Variants in SUMF1 observed in about 807,000 individuals in gnomAD.
The protein encoded by SUMF1 is sulfatase modifying factor 1, also known as formylglycine-generating enzyme.
A neutral mutation model predicts 47.6 loss-of-function variants in SUMF1; 48 were observed. The observed-to-expected ratio is 1.01, with a 90% CI of 0.80 to 1.28. The LOEUF (loss-of-function observed/expected upper bound fraction) is 1.28, where lower values mean the gene tolerates loss of function less well. Ranked by LOEUF, SUMF1 falls within the 50% of genes most tolerant of loss-of-function variation. The probability of loss-of-function intolerance (pLI) is 0.00; values close to 1 mark genes in which losing one functional copy is unlikely to be tolerated. For missense variants in SUMF1, 571 were observed against 485.4 expected, an observed-to-expected ratio of 1.18 and a Z score of -1.66; for synonymous variants, 230 against 192.1, an observed-to-expected ratio of 1.20 and a Z score of -1.63.
intron 8 of SUMF1, among the ~76,000 whole-genome samples, chr3:4,109,579 G>A (rs1693243827): frequency 6.6e-6 from 1 of 151,928 alleles, no homozygotes; most frequent in Non-Finnish European, 1.5e-5. Context: ...ACGTAGATTT[G>A]GTCTTTTCAC....
intron 1 of SUMF1, among the ~76,000 whole-genome samples, chr3:4,461,578 T>A (rs1044141772): frequency 6.6e-6 from 1 of 152,020 alleles, no homozygotes; most frequent in African/African-American, 2.4e-5. Flanking sequence ...TCAAGGTGAG[T>A]ACCAACAATG....
Position 4,467,226 on chromosome 3 carries a change from C to T in SUMF1, c.20G>A (p.Gly7Glu), listed in dbSNP as rs903839326. The T allele has an allele frequency of 5.0e-6, 8 of 1,610,968 alleles. No individual in the cohort carries two copies. The highest frequency in any genetic ancestry group is 1.7e-4 in the Middle Eastern group (1 of 5,768). Residue 7 changes from glycine to glutamate, a missense_variant, in exon 1 of 9, where the codon GGG becomes GAG. By Grantham distance (98) the Gly-to-Glu change is moderately conservative (BLOSUM62 -2). Transcript: ENST00000272902. MAAPALGLVCGRCPELG... is the reference protein window; with the variant it reads MAAPALELVCGRCPELG... ...CTCAGGGCAACGTCCACACACCAGC[C>T]CTAGTGCGGGCGCAGCCATGTTGTC...
At chr3:4,252,231 C>G (rs2125011364) in intron 8 of SUMF1, among the ~76,000 whole-genome samples, 1 of 152,236 alleles carries the variant, frequency 6.6e-6, no homozygotes, top group South Asian at 2.1e-4. Context: ...TGCCCCATGT[C>G]CTCTTCTCCA....
intron 8 of SUMF1, among the ~76,000 whole-genome samples, chr3:4,372,267 C>T (rs1700192358): frequency 1.3e-5 from 2 of 152,098 alleles, no homozygotes; most frequent in Admixed American, 1.3e-4. Context: ...TGTCACTGCA[C>T]TCCAGCCTGG....
At chr3:4,263,197 A>G (rs1431783099) in intron 8 of SUMF1, among the ~76,000 whole-genome samples, 2 of 152,150 alleles carry the variant, frequency 1.3e-5, no homozygotes, top group Non-Finnish European at 2.9e-5. Context: ...ATCCTTTTTA[A>G]TGCCTCTCCA....
intron 8 of SUMF1, among the ~76,000 whole-genome samples, chr3:4,225,576 C>A (rs1696155867): frequency 6.6e-6 from 1 of 152,110 alleles, no homozygotes; most frequent in African/African-American, 2.4e-5. Flanking sequence ...AACACACATG[C>A]AGACAAACAG....
At chr3:4,226,759 T>A (rs78400691) in intron 8 of SUMF1, among the ~76,000 whole-genome samples, 19 of 152,060 alleles carry the variant, frequency 1.2e-4, no homozygotes, top group Admixed American at 1.1e-3. Context: ...TCAAGTGCTC[T>A]TAACAATTAT....
intron 7 of SUMF1, among the ~76,000 whole-genome samples, chr3:4,394,844 A>T (rs539458998): frequency 3.1e-4 from 47 of 152,302 alleles, no homozygotes; most frequent in Non-Finnish European, 5.0e-4. Context: ...CTTCTCCTGT[A>T]TGAAATCCAC....
At chr3:4,064,755 G>T (rs987465688) in intron 9 of SUMF1, among the ~76,000 whole-genome samples, 1 of 152,138 alleles carries the variant, frequency 6.6e-6, no homozygotes, top group Non-Finnish European at 1.5e-5. Flanking sequence ...TCTACAGAAC[G>T]CATGCTCTTA....
chr3:4,062,721 G>A (rs1695296864), intron 9 of SUMF1, among the ~76,000 whole-genome samples: 1 of 152,110 alleles, frequency 6.6e-6, no homozygotes, highest in Admixed American at 6.6e-5. Context: ...AAAAATGATT[G>A]CATTTGTAGG....
At chr3:4,120,072 G>T (rs12106726) in intron 8 of SUMF1, among the ~76,000 whole-genome samples, 3 of 152,062 alleles carry the variant, frequency 2.0e-5, no homozygotes, top group African/African-American at 4.8e-5. Flanking sequence ...AGCTGAGCCA[G>T]GCACAATGTT....
At chr3:4,288,569 G>T (rs774201581) in intron 8 of SUMF1, among the ~76,000 whole-genome samples, 10 of 152,078 alleles carry the variant, frequency 6.6e-5, no homozygotes, top group Non-Finnish European at 1.5e-4. Context: ...AAGCTACAAG[G>T]CTGGCAGATC....
intron 8 of SUMF1, among the ~76,000 whole-genome samples, chr3:4,376,005 G>A (rs35041149): frequency 0.018 from 2,795 of 152,250 alleles, 30 homozygotes; most frequent in Middle Eastern, 0.054. Flanking sequence ...TAAATTAAGG[G>A]TGTGCTTTCA....
chr3:4,121,493 G>T (rs138898817), intron 8 of SUMF1, among the ~76,000 whole-genome samples: 16 of 152,210 alleles, frequency 1.1e-4, no homozygotes, highest in Middle Eastern at 3.4e-3. Context: ...AGTACAACTG[G>T]TGATGTCCAC....
chr3:4,354,392 T>C (rs147992597), intron 8 of SUMF1, among the ~76,000 whole-genome samples: 62 of 152,316 alleles, frequency 4.1e-4, no homozygotes, highest in Non-Finnish European at 6.6e-4. Context: ...TTTTTCCTTC[T>C]TTTTAATTAT....
Position 4,290,428 on chromosome 3 carries a change from A to G in SUMF1, c.1014+85902T>C, listed in dbSNP as rs564717426. On this transcript the variant is annotated intron_variant and NMD_transcript_variant, in intron 8 of 12. Transcript: ENST00000448413. ...GTTTATGCAAAATGGGTATTTTATC[A>G]TTTGTAATTAAATGGACAAAAGGAT... 6.6e-5 allele frequency among the ~76,000 whole-genome samples: 10 copies of G among 152,316 alleles called. No homozygotes were observed. The South Asian group carries it at 1.0e-3, about 16-fold the overall frequency.
At chr3:4,246,470 C>T (rs975729912) in intron 8 of SUMF1, among the ~76,000 whole-genome samples, 21 of 152,044 alleles carry the variant, frequency 1.4e-4, no homozygotes, top group Non-Finnish European at 1.9e-4. Flanking sequence ...GGCACAATCT[C>T]GGCTCACCAT....
intron 1 of SUMF1, among the ~76,000 whole-genome samples, chr3:4,464,215 ATCTG>A (rs1420515836): frequency 1.3e-5 from 2 of 152,128 alleles, no homozygotes; most frequent in Non-Finnish European, 2.9e-5. Flanking sequence ...ATGTCCTTGA[ATCTG>A]GAATTCCATT....
At chr3:4,208,469 CAA>C (rs775554036) in intron 8 of SUMF1, among the ~76,000 whole-genome samples, 7 of 132,722 alleles carry the variant, frequency 5.3e-5, no homozygotes, top group Admixed American at 7.6e-5. Flanking sequence ...TTCTAGAAGG[CAA>C]AAAAAAAAAA....
Sources: gnomAD v4.1 joint callset for allele counts (sites outside exome capture counted in the v4.1 genomes callset) on GRCh38, gnomAD v4.1.1 for gene constraint, MANE v1.5 for transcripts, NCBI Gene and HGNC (gene_info 2026-07-23, HGNC 2026-07-21) for gene names.